Variants in DMD observed in about 807,000 individuals in gnomAD.
The protein encoded by DMD is dystrophin, also known as mutant dystrophin.
Under a neutral mutation model 330.1 loss-of-function variants are expected in DMD, and 63 were observed. The ratio of observed to expected loss-of-function variants is 0.19; its 90% confidence interval spans 0.16 to 0.24. The LOEUF (loss-of-function observed/expected upper bound fraction) is 0.24. Ranked by LOEUF, DMD falls within the 10% of genes least tolerant of loss-of-function variation. The pLI is 1.00. For missense variants in DMD, 3,344 were observed against 2,684.1 expected (o/e 1.25, Z -5.43); for synonymous variants, 1,223 against 959.8 (o/e 1.27, Z -5.07).
At chrX:32,759,976 AAAG>A in intron 7 of DMD, among the ~76,000 whole-genome samples, 1 of 112,267 alleles carries the variant, frequency 8.9e-6, no homozygotes, top group African/African-American at 3.2e-5. Flanking sequence ...GAGGATAAAA[AAAG>A]AATTCTGAAG....
At chrX:33,298,894 A>G (rs1368143710) in intron 1 of DMD, among the ~76,000 whole-genome samples, 3 of 111,672 alleles carry the variant, frequency 2.7e-5, no homozygotes, top group Non-Finnish European at 5.7e-5. Flanking sequence ...ACACAGCCAG[A>G]CTCAACTTCA....
At chrX:32,682,378 C>T (rs985252674) in intron 9 of DMD, among the ~76,000 whole-genome samples, 3 of 111,211 alleles carry the variant, frequency 2.7e-5, no homozygotes, top group African/African-American at 9.8e-5. Flanking sequence ...CCATGTGTCC[C>T]GTGACCGACT....
chrX:31,283,010 T>C (rs1449755273), intron 62 of DMD, among the ~76,000 whole-genome samples: 1 of 111,698 alleles, frequency 9.0e-6, no homozygotes, highest in South Asian at 3.7e-4. Flanking sequence ...TATGAATCAA[T>C]GTGTCAACTC....
intron 48 of DMD, among the ~76,000 whole-genome samples, chrX:31,872,648 T>C (rs780905248): frequency 8.9e-6 from 1 of 111,983 alleles, no homozygotes; most frequent in East Asian, 2.8e-4. Flanking sequence ...AATGTGCTTT[T>C]ACCGTGAGCT....
chrX:32,241,589 T>C (rs2097208822), intron 43 of DMD, among the ~76,000 whole-genome samples: 1 of 112,332 alleles, frequency 8.9e-6, no homozygotes, highest in Admixed American at 9.4e-5. Context: ...TCCAAATTCC[T>C]GGCTTCCACT....
At chrX:32,131,111 G>T (rs910443184) in intron 44 of DMD, among the ~76,000 whole-genome samples, 1 of 111,391 alleles carries the variant, frequency 9.0e-6, no homozygotes, top group African/African-American at 3.3e-5. Flanking sequence ...TTTGAACCCG[G>T]GAGGCAGAGG....
chrX:32,028,347 G>T (rs776912200), intron 44 of DMD, among the ~76,000 whole-genome samples: 1 of 111,230 alleles, frequency 9.0e-6, no homozygotes. Context: ...AAGTCTGGAA[G>T]AAAGAAGATG....
intron 34 of DMD, among the ~76,000 whole-genome samples, chrX:32,370,852 G>A (rs2097873808): frequency 9.0e-6 from 1 of 111,070 alleles, no homozygotes; most frequent in Admixed American, 9.7e-5. Context: ...AAATCTTACT[G>A]TTATAAAAAA....
At chrX:32,796,219 T>C (rs1317282141) in intron 7 of DMD, among the ~76,000 whole-genome samples, 1 of 111,284 alleles carries the variant, frequency 9.0e-6, no homozygotes, top group Non-Finnish European at 1.9e-5. Flanking sequence ...TAATAGCAAC[T>C]TAAGTGTCCA....
intron 44 of DMD, among the ~76,000 whole-genome samples, chrX:32,068,374 A>ATTTTTTTTTTTTTTTT (rs749610367): frequency 1.1e-4 from 7 of 64,304 alleles, no homozygotes; most frequent in Admixed American, 1.9e-4. Flanking sequence ...CTTGCTTGTC[A>ATTTTTTTTTTTTTTTT]TTTTTTTTTT....
At chrX:31,520,639 A>T (rs1391772461) in intron 55 of DMD, among the ~76,000 whole-genome samples, 1 of 111,532 alleles carries the variant, frequency 9.0e-6, no homozygotes, top group Non-Finnish European at 1.9e-5. Context: ...AAGCAGGTCC[A>T]GGGTATTTTT....
chrX:32,146,701 T>C (rs1198898775), intron 44 of DMD, among the ~76,000 whole-genome samples: 1 of 112,241 alleles, frequency 8.9e-6, no homozygotes, highest in Admixed American at 9.4e-5. Flanking sequence ...ATTCATAGAT[T>C]AGATGTAGCC....
intron 47 of DMD, among the ~76,000 whole-genome samples, chrX:31,907,820 T>C (rs1189249433): frequency 2.7e-5 from 3 of 112,466 alleles, no homozygotes; most frequent in African/African-American, 9.7e-5. Flanking sequence ...TCTACCCATC[T>C]GACAAAGGGC....
At chrX:31,507,243 A>G in intron 56 of DMD, 38 bp downstream of exon 56, 51 of 1,160,260 alleles carry the variant, frequency 4.4e-5, no homozygotes, top group Non-Finnish European at 5.8e-5. Context: ...GGCCATTTTA[A>G]TTCATTTGTG....
At chrX:32,735,825 C>A (rs1445855995) in intron 7 of DMD, among the ~76,000 whole-genome samples, 2 of 111,717 alleles carry the variant, frequency 1.8e-5, no homozygotes, top group African/African-American at 3.3e-5. Context: ...GGAAGAAAAC[C>A]TAGGCATTAC....
chrX:31,121,748 T>G lies in DMD; in HGVS notation c.*171A>C. 1.4e-6 allele frequency: 1 copy of G among 725,139 alleles called. No individual in the cohort carries two copies. The highest frequency in any genetic ancestry group is 2.2e-5 in the South Asian group (1 of 45,805). 59.8% of individuals were successfully genotyped at this position (725,139 alleles called of 1,213,427 possible). On this transcript the variant is annotated 3_prime_UTR_variant, in exon 79 of 79. Transcript: ENST00000357033. ...ACTACCCTTCACAAAAATATAGATT[T>G]ATTTCTTGTAAACTCTTACTGTCTA...
At chrX:32,652,287 TCCCCCCA>T (rs2060215317) in intron 9 of DMD, among the ~76,000 whole-genome samples, 1 of 46,414 alleles carries the variant, frequency 2.2e-5, no homozygotes, top group Non-Finnish European at 3.6e-5. Flanking sequence ...CCCTCCCCCC[TCCCCCCA>T]CCCCACTACG....
chrX:31,208,159 C>T (rs1018504831), intron 65 of DMD, among the ~76,000 whole-genome samples: 2 of 111,422 alleles, frequency 1.8e-5, no homozygotes, highest in Non-Finnish European at 3.8e-5. Flanking sequence ...GTCCCAATGG[C>T]GGTTATTTTC....
chrX:32,394,922 A>AAAAAAAAAAAAAC (rs1557326753), intron 30 of DMD, among the ~76,000 whole-genome samples: 1 of 22,278 alleles, frequency 4.5e-5, no homozygotes, highest in Non-Finnish European at 9.7e-5. Context: ...AAAACAAAAA[A>AAAAAAAAAAAAAC]AAAAAAAAAA....
Sources: allele counts gnomAD v4.1 joint callset (sites outside exome capture counted in the v4.1 genomes callset), GRCh38; gene constraint gnomAD v4.1.1; transcripts MANE v1.5; gene names NCBI Gene and HGNC (gene_info 2026-07-23, HGNC 2026-07-21).